DDA1: variants seen among roughly 807,000 people sequenced by gnomAD.
DDA1 encodes DET1 and DDB1 associated 1, also known as DET1- and DDB1-associated protein 1.
A neutral mutation model predicts 18.6 loss-of-function variants in DDA1; 3 were observed. That is an observed-to-expected ratio of 0.16 (90% CI 0.07 to 0.42). DDA1 has a LOEUF of 0.42. Ranked by LOEUF, DDA1 falls within the 10% of genes least tolerant of loss-of-function variation. DDA1 has a pLI of 0.99. For missense variants in DDA1, 105 were observed against 138.2 expected (o/e 0.76, Z 1.20); for synonymous variants, 52 against 54.0 (o/e 0.96, Z 0.17).
At chr19:17,315,651 C>G (rs1457067926) in intron 3 of DDA1, 2 of 487,116 alleles carry the variant, frequency 4.1e-6, no homozygotes, top group Non-Finnish European at 7.5e-6. Context: ...GGTATGTGCT[C>G]CTAGTCAGCC....
chr19:17,312,579 T>A (rs1452779173), intron 1 of DDA1, among the ~76,000 whole-genome samples: 1 of 152,092 alleles, frequency 6.6e-6, no homozygotes, highest in African/African-American at 2.4e-5. Flanking sequence ...AGTGCCTGCA[T>A]CCCTGCGTCT....
intron 3 of DDA1, among the ~76,000 whole-genome samples, chr19:17,315,270 C>T (rs529764420): frequency 3.0e-5 from 2 of 66,750 alleles, no homozygotes; most frequent in African/African-American, 1.6e-4. Context: ...TATACACACA[C>T]GTGTATATAC....
chr19:17,309,763 C>T (rs1344936396), intron 1 of DDA1, 106 bp downstream of exon 1: 1 of 1,417,086 alleles, frequency 7.1e-7, no homozygotes, highest in Non-Finnish European at 9.5e-7. Context: ...TCTGCCCGGT[C>T]CCCTCAGGTC....
intron 3 of DDA1, chr19:17,315,642 G>A (rs1221901879): frequency 6.5e-6 from 3 of 459,302 alleles, no homozygotes; most frequent in Non-Finnish European, 1.2e-5. Flanking sequence ...CAGATATGCG[G>A]TATGTGCTCC....
At chr19:17,318,376 C>T (rs1439579917) in intron 4 of DDA1, among the ~76,000 whole-genome samples, 2 of 152,132 alleles carry the variant, frequency 1.3e-5, no homozygotes, top group Admixed American at 1.3e-4. Context: ...GGATTACAGG[C>T]ATGTGCCACC....
At chr19:17,315,153 A>ATATACACACACGTGTATACACGCACG (rs2074198026) in intron 3 of DDA1, among the ~76,000 whole-genome samples, 1 of 61,862 alleles carries the variant, frequency 1.6e-5, no homozygotes, top group African/African-American at 9.0e-5. Context: ...ACACACACGT[A>ATATACACACACGTGTATACACGCACG]TATATACACA....
intron 1 of DDA1, among the ~76,000 whole-genome samples, chr19:17,311,166 G>T (rs1276955149): frequency 6.9e-6 from 1 of 145,718 alleles, no homozygotes; most frequent in South Asian, 2.2e-4. Context: ...GAAGGAGGTT[G>T]TTTTTTTTTT....
intron 4 of DDA1, 49 bp from the exon 5 acceptor site, chr19:17,319,497 C>T (rs117306256): frequency 0.024 from 35,476 of 1,496,862 alleles, 489 homozygotes; most frequent in Non-Finnish European, 0.027. Flanking sequence ...AAGGTTGAGG[C>T]TGTCCGAAAA....
At chr19:17,315,164 C>T (rs556267786) in intron 3 of DDA1, among the ~76,000 whole-genome samples, 5 of 68,450 alleles carry the variant, frequency 7.3e-5, no homozygotes, top group East Asian at 5.1e-4. Context: ...TATATACACA[C>T]GTGTATATAC....
At chr19:17,313,819 C>T (rs910860263) in intron 1 of DDA1, among the ~76,000 whole-genome samples, 4 of 152,220 alleles carry the variant, frequency 2.6e-5, no homozygotes, top group South Asian at 2.1e-4. Flanking sequence ...ATGAGGATCC[C>T]GTGGGGGATG....
chr19:17,322,842 C>T lies in DDA1; in HGVS notation c.*3186C>T, dbSNP rs539541364. 1 of 152,324 alleles carries T rather than the reference C, an allele frequency of 6.6e-6. No homozygotes were observed. The highest frequency in any genetic ancestry group is 1.5e-5 in the Non-Finnish European group (1 of 68,082). 9.4% of individuals were successfully genotyped at this position (152,324 alleles called of 1,614,324 possible). ...ATGCCACAAGCTCTTCCCACTGTCT[C>T]TGGCTCCCCAGACGATGTTCCAGGA... On this transcript the variant is annotated 3_prime_UTR_variant, in exon 5 of 5. Transcript: ENST00000359866.
At position 17,314,349 on chromosome 19, in the gene DDA1, C is replaced by T. The variant is rs1427748404; in HGVS notation, c.96C>T (p.Pro32=). 7.4e-6 allele frequency: 12 copies of T among 1,614,124 alleles called. No individual in the cohort carries two copies. Among genetic ancestry groups the T allele is most frequent in the Non-Finnish European group, 9.3e-6 (11 of 1,180,060 alleles). The part of the protein sequence containing the change: ...DSVCKASNRR[P]SVYLPTREYP... The stretch of plus-strand genomic sequence containing the variant: ...CAACCCTCCTGCAGAACCGACGGCC[C>T]TCAGTCTACCTGCCTACCCGCGAGT... Residue 32 remains proline (P), a synonymous_variant, in exon 3 of 5, where the codon CCC becomes CCT. Transcript: ENST00000359866. The surrounding 1 kb of genome is among the most constrained non-coding windows in gnomAD (Gnocchi z 4.6).
intron 4 of DDA1, among the ~76,000 whole-genome samples, chr19:17,317,276 G>A (rs564765801): frequency 3.3e-5 from 5 of 152,174 alleles, no homozygotes; most frequent in East Asian, 1.9e-4. Flanking sequence ...TTGGGAGGCC[G>A]AGTCAGGCAG....
chr19:17,319,747 C>CA lies in DDA1; in HGVS notation c.*91_*92insA. ...ATGTGTAAGCACCCCGCCCGCCCGC[C>CA]TCCCTGCCGGCCCATCCACACCCTG... On this transcript the variant is annotated 3_prime_UTR_variant, in exon 5 of 5. Transcript: ENST00000359866. 1 of 1,166,250 alleles carries CA rather than the reference C, an allele frequency of 8.6e-7. No homozygotes were observed. Among genetic ancestry groups the CA allele is most frequent in the South Asian group, 1.4e-5 (1 of 71,464 alleles). The allele number at this position is 1,166,250 out of a possible 1,614,324, so 72.2% of individuals were successfully genotyped here.
rs1430656063 is a variant in DDA1, at chr19:17,314,166, G to T, written c.84+63G>T. 1.3e-6 allele frequency: 2 copies of T among 1,583,698 alleles called. No homozygotes were observed. The highest frequency in any genetic ancestry group is 1.7e-5 in the Admixed American group (1 of 59,814). On this transcript the variant is annotated intron_variant, in intron 2 of 4. Transcript: ENST00000359866. This position sits in a 1 kb window ranked among gnomAD's most constrained non-coding sequence, Gnocchi z 4.6. ...CTTCCAGGGGGCCTGGGGGCAGCTT[G>T]TGTCCCCCGATTGGGGTCTTGGCTG...
intron 3 of DDA1, among the ~76,000 whole-genome samples, chr19:17,315,082 T>G: frequency 6.9e-6 from 1 of 145,528 alleles, no homozygotes. Context: ...CCAAAAACCA[T>G]ATATATACGT....
chr19:17,317,835 T>C (rs1472918903), intron 4 of DDA1, among the ~76,000 whole-genome samples: 2 of 152,080 alleles, frequency 1.3e-5, no homozygotes, highest in African/African-American at 4.8e-5. Context: ...CCAGACTCTG[T>C]CTCTAGAAAA....
Position 17,309,604 on chromosome 19 carries a change from C to T in DDA1, c.-51C>T, listed in dbSNP as rs767062783. On this transcript the variant is annotated 5_prime_UTR_variant, in exon 1 of 5. Coordinates refer to ENST00000359866, the MANE Select transcript of DDA1 (RefSeq NM_024050.6). ...GCGGCTAAGAAGGCGGCTCTGGTGG[C>T]GGCGGTGGAGGCTGAGGCGGCGGCC... 2 of 1,597,702 alleles carry T rather than the reference C, an allele frequency of 1.3e-6. No individual in the cohort carries two copies. Among genetic ancestry groups the T allele is most frequent in the Non-Finnish European group, 1.7e-6 (2 of 1,166,676 alleles).
rs1568353339 is a variant in DDA1, at chr19:17,314,620, C to G, written c.136+231C>G. The G allele has an allele frequency of 1.8e-6, 1 of 569,408 alleles. No homozygotes were observed. The highest frequency in any genetic ancestry group is 3.0e-5 in the East Asian group (1 of 32,980). The allele number at this position is 569,408 out of a possible 1,614,324, so 35.3% of individuals were successfully genotyped here. A position where few individuals can be genotyped will look rare whatever the true frequency, so the allele number is the denominator to read the frequency against. On this transcript the variant is annotated intron_variant, in intron 3 of 4. Coordinates refer to ENST00000359866, the MANE Select transcript of DDA1 (RefSeq NM_024050.6). The surrounding 1 kb of genome is among the most constrained non-coding windows in gnomAD (Gnocchi z 4.6). ...ATGCACACGTGGATGCCTGTCCACT[C>G]CCAGCCCCTGGGGACAGCCAGAAAC... is the stretch of plus-strand genomic sequence containing the variant.
Sources: allele counts gnomAD v4.1 joint callset (sites outside exome capture counted in the v4.1 genomes callset), GRCh38; gene constraint gnomAD v4.1.1; non-coding constraint Gnocchi (gnomAD v3.1); transcripts MANE v1.5; gene names NCBI Gene and HGNC (gene_info 2026-07-23, HGNC 2026-07-21).